M6PR: variants seen among roughly 807,000 people sequenced by gnomAD.
M6PR encodes the protein cation-dependent mannose-6-phosphate receptor.
In M6PR, 19 loss-of-function variants were observed where a neutral mutation model predicts 33.1. The observed-to-expected ratio is 0.57, with a 90% CI of 0.40 to 0.84. M6PR has a LOEUF of 0.84. M6PR is among the 40% of genes least tolerant of loss of function. M6PR has a pLI of 0.00. For synonymous variants in M6PR, 111 were observed against 123.4 expected, an observed-to-expected ratio of 0.90 and a Z score of 0.67; for missense variants, 295 against 336.0, an observed-to-expected ratio of 0.88 and a Z score of 0.95.
chr12:8,942,669 G>T, intron 5 of M6PR, 127 bp from the exon 6 acceptor site: 1 of 1,010,600 alleles, frequency 9.9e-7, no homozygotes. Context: ...AATGAGTAGT[G>T]ATACTAAATG....
chr12:8,941,688 A>G lies in M6PR; in HGVS notation c.*130T>C. 1 of 1,220,300 alleles carries G rather than the reference A, an allele frequency of 8.2e-7. No homozygotes were observed. Among genetic ancestry groups the G allele is most frequent in the Non-Finnish European group, 1.2e-6 (1 of 855,704 alleles). The allele number at this position is 1,220,300 out of a possible 1,614,324, so 75.6% of individuals were successfully genotyped here. On this transcript the variant is annotated 3_prime_UTR_variant, in exon 7 of 7. Coordinates refer to ENST00000000412, the MANE Select transcript of M6PR (RefSeq NM_002355.4). ...TTTACTAGTGAGAAGATGCAAATCAAAAGCAAACTGGAAAGCAAGAGCAAT... is the reference window on the plus strand; with the variant it reads ...TTTACTAGTGAGAAGATGCAAATCAGAAGCAAACTGGAAAGCAAGAGCAAT...
Position 8,945,569 on chromosome 12 carries a change from C to G in M6PR, c.192G>C (p.Val64=). Residue 64 remains valine, a synonymous_variant, in exon 3 of 7, where the codon GTG becomes GTC. Coordinates refer to ENST00000000412, the MANE Select transcript of M6PR (RefSeq NM_002355.4). Reference sequence around the variant, plus strand: ...AGATGTATGTGTCTGAACCCTGGCCCACAGTGCTCTCAAAGCTGTAAAGAG... The same window carrying G: ...AGATGTATGTGTCTGAACCCTGGCCGACAGTGCTCTCAAAGCTGTAAAGAG... ...PLFNKSFEST[V]GQGSDTYIYI... is the part of the protein sequence containing the mutation. 1 of 1,614,036 alleles carries G rather than the reference C, an allele frequency of 6.2e-7. No homozygotes were observed. Among genetic ancestry groups the G allele is most frequent in the South Asian group, 1.1e-5 (1 of 91,058 alleles).
Position 8,945,550 on chromosome 12 carries a change from A to G in M6PR, c.211T>C (p.Tyr71His). Residue 71 changes from tyrosine (Y) to histidine (H), a missense_variant, in exon 3 of 7, where the codon TAC (tyrosine) becomes CAC (histidine). Tyr to His is a moderately conservative substitution (Grantham distance 83, BLOSUM62 2). Coordinates refer to ENST00000000412, the MANE Select transcript of M6PR (RefSeq NM_002355.4). ...ESTVGQGSDT[Y>H]IYIFRVCREA... ...CGGCACACCCTGAAGATGTAGATGTATGTGTCTGAACCCTGGCCCACAGTG... is the reference window on the plus strand; with the variant it reads ...CGGCACACCCTGAAGATGTAGATGTGTGTGTCTGAACCCTGGCCCACAGTG... The G allele has an allele frequency of 6.2e-7, 1 of 1,614,132 alleles. No individual in the cohort carries two copies. Among genetic ancestry groups the G allele is most frequent in the Admixed American group, 1.7e-5 (1 of 60,014 alleles).
chr12:8,943,974 T>G, intron 3 of M6PR, 64 bp from the exon 4 acceptor site: 2 of 1,046,008 alleles, frequency 1.9e-6, no homozygotes, highest in Non-Finnish European at 3.0e-6. Flanking sequence ...ATCTGGGTGG[T>G]ATGGCAGAGT....
At position 8,946,330 on chromosome 12, in the gene M6PR, C is replaced by G. The variant is rs778685998; in HGVS notation, c.75G>C (p.Trp25Cys). 1.3e-5 allele frequency: 21 copies of G among 1,614,122 alleles called. No individual in the cohort carries two copies. In the East Asian group the frequency reaches 4.7e-4, roughly 36 times the overall value. ...LLLAVAVRES[W>C]QTEEKTCDLV... ...AGTCGCAAGTTTTTTCTTCTGTCTG[C>G]CAGGATTCTCTCACTGCCACAGCCA... The change falls in exon 2 of 7, where the codon TGG becomes TGC. Residue 25 changes from tryptophan to cysteine, a missense_variant. Trp to Cys is a radical substitution (Grantham distance 215). Transcript: ENST00000000412.
intron 5 of M6PR, among the ~76,000 whole-genome samples, chr12:8,942,902 T>C (rs1328023685): frequency 2.0e-5 from 3 of 151,838 alleles, no homozygotes; most frequent in Admixed American, 6.6e-5. Context: ...TGCAAATCTA[T>C]ACCGGCAACT....
intron 1 of M6PR, among the ~76,000 whole-genome samples, chr12:8,948,602 T>C (rs1392818873): frequency 1.3e-5 from 2 of 152,204 alleles, no homozygotes; most frequent in Non-Finnish European, 1.5e-5. Flanking sequence ...GTCTATATAC[T>C]TTGGAAATAA....
At chr12:8,944,267 G>A (rs1477115569) in intron 3 of M6PR, among the ~76,000 whole-genome samples, 2 of 152,218 alleles carry the variant, frequency 1.3e-5, no homozygotes, top group Admixed American at 6.5e-5. Context: ...AGCAGCAGGG[G>A]TAAGCCCATC....
rs1946155915 is a variant in M6PR, at chr12:8,949,378, T to C, written c.-2+110A>G. 1.3e-5 allele frequency: 2 copies of C among 152,058 alleles called. No homozygotes were observed. The highest frequency in any genetic ancestry group is 4.8e-5 in the African/African-American group (2 of 41,376). 9.4% of individuals were successfully genotyped at this position (152,058 alleles called of 1,614,324 possible). On this transcript the variant is annotated intron_variant, in intron 1 of 6. Coordinates refer to ENST00000000412, the MANE Select transcript of M6PR (RefSeq NM_002355.4). The surrounding 1 kb of genome is among the most constrained non-coding windows in gnomAD (Gnocchi z 5.6). ...CTACCCTTAGGGCTCCTCAGCCAGATCTTTGGCTAGAACCATGGTCAAGGG... is the reference window on the plus strand; with the variant it reads ...CTACCCTTAGGGCTCCTCAGCCAGACCTTTGGCTAGAACCATGGTCAAGGG...
rs1946060514 is a variant in M6PR at position 8,943,860 on chromosome 12, A to G, written c.394T>C (p.Cys132Arg). Residue 132 changes from cysteine to arginine, a missense_variant, in exon 4 of 7, where the codon TGT becomes CGT. By Grantham distance (180) the Cys-to-Arg change is radical. Transcript: ENST00000000412. ...ACTGCACGACGCTGCTCCTTGCCAC[A>G]GTGGTTGTCATATTCATCACCCCCT... ...YKGGDEYDNHCGKEQRRAVVM... is the reference protein window; with the variant it reads ...YKGGDEYDNHRGKEQRRAVVM... The G allele has an allele frequency of 2.5e-6, 4 of 1,613,800 alleles. No individual in the cohort carries two copies. Among genetic ancestry groups the G allele is most frequent in the Non-Finnish European group, 3.4e-6 (4 of 1,180,018 alleles).
intron 1 of M6PR, among the ~76,000 whole-genome samples, chr12:8,947,563 C>T (rs1946114345): frequency 6.6e-6 from 1 of 152,166 alleles, no homozygotes; most frequent in African/African-American, 2.4e-5. Flanking sequence ...GCACTGAAAC[C>T]ACACAACAGC....
intron 1 of M6PR, among the ~76,000 whole-genome samples, chr12:8,947,284 A>C (rs1946108089): frequency 6.6e-6 from 1 of 152,170 alleles, no homozygotes; most frequent in Admixed American, 6.5e-5. Flanking sequence ...AAAACTTGAA[A>C]CAGGCAGAAT....
At chr12:8,946,525 C>G in intron 1 of M6PR, 120 bp from the exon 2 acceptor site, 1 of 745,650 alleles carries the variant, frequency 1.3e-6, no homozygotes, top group South Asian at 1.9e-5. Flanking sequence ...GTACAAGATT[C>G]TCTGGCATAT....
intron 1 of M6PR, among the ~76,000 whole-genome samples, chr12:8,948,676 T>G (rs1174650050): frequency 6.6e-6 from 1 of 152,244 alleles, no homozygotes; most frequent in Non-Finnish European, 1.5e-5. Flanking sequence ...ACAGATCTAT[T>G]TTATTTGGCA....
chr12:8,945,302 G>A (rs111361816), intron 3 of M6PR, 116 bp downstream of exon 3: 122 of 1,076,262 alleles, frequency 1.1e-4, no homozygotes, highest in Non-Finnish European at 1.6e-4. Flanking sequence ...CAGGTGTGCC[G>A]AACCACACGT....
chr12:8,946,233 T>C lies in M6PR; in HGVS notation c.172A>G (p.Lys58Glu), dbSNP rs367682581. 3.1e-5 allele frequency: 50 copies of C among 1,613,450 alleles called. No individual in the cohort carries two copies. The African/African-American group carries it at 5.9e-4, about 19-fold the overall frequency. Residue 58 changes from lysine to glutamate, a missense_variant, in exon 2 of 7, where the codon AAA (lysine) becomes GAA (glutamate). Physicochemically the swap from Lys to Glu is moderately conservative, Grantham distance 56 (BLOSUM62 1). Coordinates refer to ENST00000000412, the MANE Select transcript of M6PR (RefSeq NM_002355.4). ...LVKRLKPLFNKSFESTVGQGS... is the reference protein window; with the variant it reads ...LVKRLKPLFNESFESTVGQGS... ...TTTAAGGTTCTTCTCATTTACCTTT[T>C]ATTAAACAGTGGTTTCAGCCTCTTC...
intron 3 of M6PR, 39 bp from the exon 4 acceptor site, chr12:8,943,949 GA>G: frequency 1.5e-6 from 2 of 1,349,956 alleles, no homozygotes; most frequent in Non-Finnish European, 1.1e-6. Context: ...TGGGGTGGGG[GA>G]AAAGCAGAGG....
rs1946153092 is a variant in M6PR, at chr12:8,949,232, G to A, written c.-2+256C>T. On this transcript the variant is annotated intron_variant, in intron 1 of 6. Transcript: ENST00000000412. This position sits in a 1 kb window ranked among gnomAD's most constrained non-coding sequence, Gnocchi z 5.6. ...ACACCTCCAACGGACTCCATACTTGGGGTATTTTCCTTTCCCTGCTTTCTA... is the reference window on the plus strand; with the variant it reads ...ACACCTCCAACGGACTCCATACTTGAGGTATTTTCCTTTCCCTGCTTTCTA... Among the ~76,000 whole-genome samples, 1 of 151,930 alleles carries A rather than the reference G, an allele frequency of 6.6e-6. No homozygotes were observed. The highest frequency in any genetic ancestry group is 1.5e-5 in the Non-Finnish European group (1 of 68,008).
At chr12:8,943,001 T>G (rs754175634) in intron 5 of M6PR, among the ~76,000 whole-genome samples, 2 of 151,426 alleles carry the variant, frequency 1.3e-5, no homozygotes, top group East Asian at 3.9e-4. Context: ...TTGCCCAGGC[T>G]GGAGTGCAGT....
Sources: allele counts gnomAD v4.1 joint callset (sites outside exome capture counted in the v4.1 genomes callset), GRCh38; gene constraint gnomAD v4.1.1; non-coding constraint Gnocchi (gnomAD v3.1); transcripts MANE v1.5; gene names NCBI Gene and HGNC (gene_info 2026-07-23, HGNC 2026-07-21).